ZBTB7C: variants seen among roughly 807,000 people sequenced by gnomAD.
The protein encoded by ZBTB7C is zinc finger and BTB domain containing 7C.
In ZBTB7C, 8 loss-of-function variants were observed where a neutral mutation model predicts 25.7. The ratio of observed to expected loss-of-function variants is 0.31; its 90% CI spans 0.18 to 0.56. The LOEUF (loss-of-function observed/expected upper bound fraction) is 0.56, where lower values mean the gene tolerates loss of function less well. ZBTB7C is among the 20% of genes least tolerant of loss of function. ZBTB7C has a pLI of 0.91. For missense variants in ZBTB7C, 824 were observed against 855.2 expected, an observed-to-expected ratio of 0.96 and a Z score of 0.46; for synonymous variants, 394 against 369.0, an observed-to-expected ratio of 1.07 and a Z score of -0.78.
chr18:48,214,759 T>C (rs79185825), intron 2 of ZBTB7C, among the ~76,000 whole-genome samples: 23,605 of 152,270 alleles, frequency 0.16, 1,970 homozygotes, highest in Non-Finnish European at 0.18. Context: ...TGTGGTAGCA[T>C]GTGTCAAAAT....
chr18:48,398,295 C>T (rs575825217), intron 1 of ZBTB7C, among the ~76,000 whole-genome samples: 13 of 152,326 alleles, frequency 8.5e-5, no homozygotes, highest in East Asian at 5.8e-4. Flanking sequence ...CTGTTTGCTG[C>T]GAAGGGATTG....
At chr18:48,096,166 A>G (rs2038625743) in intron 3 of ZBTB7C, among the ~76,000 whole-genome samples, 1 of 152,236 alleles carries the variant, frequency 6.6e-6, no homozygotes, top group Non-Finnish European at 1.5e-5. Flanking sequence ...TTTAGCAGGA[A>G]AAGGAAAAAG....
rs117549610 is a variant in ZBTB7C, at chr18:48,093,459, G to A, written c.-16-52336C>T. Reference sequence around the variant, plus strand: ...TCCAAAAAGTTTATATGAATGACTCGGAGTGGAATTTAAGACACCTCTAAG... The same window carrying A: ...TCCAAAAAGTTTATATGAATGACTCAGAGTGGAATTTAAGACACCTCTAAG... On this transcript the variant is annotated intron_variant, in intron 3 of 4. Transcript: ENST00000590800. 3.3e-3 allele frequency among the ~76,000 whole-genome samples: 505 copies of A among 152,250 alleles called. 1 individual carries two copies. The highest frequency in any genetic ancestry group is 5.4e-3 in the Non-Finnish European group (365 of 68,036).
chr18:48,313,926 TC>T, intron 2 of ZBTB7C, among the ~76,000 whole-genome samples: 1 of 152,294 alleles, frequency 6.6e-6, no homozygotes, highest in South Asian at 2.1e-4. Flanking sequence ...CTCACTCAGT[TC>T]ATGTGAGATC....
At chr18:48,361,462 A>C (rs1470183446) in intron 1 of ZBTB7C, among the ~76,000 whole-genome samples, 4 of 152,174 alleles carry the variant, frequency 2.6e-5, no homozygotes, top group Admixed American at 2.0e-4. Flanking sequence ...CTAAACATAG[A>C]AATCTAATGC....
intron 3 of ZBTB7C, among the ~76,000 whole-genome samples, chr18:48,098,257 C>T (rs1383509844): frequency 1.3e-5 from 2 of 152,096 alleles, no homozygotes; most frequent in African/African-American, 2.4e-5. Flanking sequence ...GTGAGGGAGA[C>T]GCCAGCAGCT....
chr18:48,170,364 T>C (rs1248922129), intron 3 of ZBTB7C, among the ~76,000 whole-genome samples: 1 of 152,232 alleles, frequency 6.6e-6, no homozygotes, highest in African/African-American at 2.4e-5. Context: ...ATCAAAGCTC[T>C]TGGGGGGCCT....
chr18:48,403,054 C>A (rs75961978), intron 1 of ZBTB7C, among the ~76,000 whole-genome samples: 10,970 of 152,294 alleles, frequency 0.072, 515 homozygotes, highest in South Asian at 0.1. Context: ...ACCCTCCCTG[C>A]ATCCATGCTG....
chr18:48,034,556 G>A (rs2035892847), intron 4 of ZBTB7C, among the ~76,000 whole-genome samples: 1 of 152,094 alleles, frequency 6.6e-6, no homozygotes, highest in African/African-American at 2.4e-5. Flanking sequence ...CACGTGGCAT[G>A]GAGTTCTGGT....
intron 1 of ZBTB7C, among the ~76,000 whole-genome samples, chr18:48,362,638 A>C (rs746731098): frequency 2.6e-5 from 4 of 152,184 alleles, no homozygotes; most frequent in Non-Finnish European, 5.9e-5. Context: ...TAGCAGCCTA[A>C]ACTGGCAAAG....
At chr18:48,033,969 T>C (rs2035864528) in intron 4 of ZBTB7C, among the ~76,000 whole-genome samples, 1 of 152,172 alleles carries the variant, frequency 6.6e-6, no homozygotes, top group African/African-American at 2.4e-5. Context: ...AGTGTATGCA[T>C]CTGGGTAATG....
At chr18:48,163,488 A>C (rs573529085) in intron 3 of ZBTB7C, among the ~76,000 whole-genome samples, 2 of 152,322 alleles carry the variant, frequency 1.3e-5, no homozygotes. Context: ...CTCTTGGATG[A>C]AATGGAAATG....
chr18:48,315,648 C>A (rs1190511567), intron 2 of ZBTB7C, among the ~76,000 whole-genome samples: 1 of 152,106 alleles, frequency 6.6e-6, no homozygotes, highest in East Asian at 1.9e-4. Context: ...TCAAATCCCA[C>A]ACTCCCGGTA....
chr18:48,392,619 T>C (rs953956308), intron 1 of ZBTB7C, among the ~76,000 whole-genome samples: 5 of 152,226 alleles, frequency 3.3e-5, no homozygotes, highest in Admixed American at 3.3e-4. Context: ...AGAACTCTTC[T>C]AGCAGTTTTT....
At chr18:48,099,015 T>C (rs534934433) in intron 3 of ZBTB7C, among the ~76,000 whole-genome samples, 64 of 152,340 alleles carry the variant, frequency 4.2e-4, no homozygotes, top group Admixed American at 5.9e-4. Context: ...CACTGATCAT[T>C]GCATTAAGTA....
chr18:48,364,325 C>T (rs905781156), intron 1 of ZBTB7C: 1 of 152,350 alleles, frequency 6.6e-6, no homozygotes, highest in African/African-American at 2.4e-5. Flanking sequence ...AGCAGAGGGA[C>T]AGGCTGCGGG....
chr18:48,280,048 G>A (rs529130176), intron 2 of ZBTB7C, among the ~76,000 whole-genome samples: 1 of 152,326 alleles, frequency 6.6e-6, no homozygotes, highest in South Asian at 2.1e-4. Flanking sequence ...GCTAGAGACA[G>A]AATGGTAAAT....
At chr18:48,096,805 C>T (rs763434090) in intron 3 of ZBTB7C, among the ~76,000 whole-genome samples, 4 of 152,306 alleles carry the variant, frequency 2.6e-5, no homozygotes, top group Middle Eastern at 3.4e-3. Flanking sequence ...CTCAATGATC[C>T]TGTCCCTACC....
chr18:48,359,770 T>C (rs985550001), intron 1 of ZBTB7C, among the ~76,000 whole-genome samples: 2 of 152,134 alleles, frequency 1.3e-5, no homozygotes, highest in African/African-American at 4.8e-5. Context: ...AGGAACAAGA[T>C]GTCATTTGTG....
Sources: gnomAD v4.1 joint callset for allele counts (sites outside exome capture counted in the v4.1 genomes callset) on GRCh38, gnomAD v4.1.1 for gene constraint, MANE v1.5 for transcripts, NCBI Gene and HGNC (gene_info 2026-07-23, HGNC 2026-07-21) for gene names.